SLC35D2: variants seen among roughly 807,000 people sequenced by gnomAD.
SLC35D2 encodes the protein nucleotide sugar transporter SLC35D2.
A neutral mutation model predicts 41.8 loss-of-function variants in SLC35D2; 43 were observed. That is an observed-to-expected ratio of 1.03 (90% confidence interval 0.81 to 1.33). The LOEUF is 1.33. SLC35D2 is among the 40% of genes most tolerant of loss of function. The pLI, the probability that SLC35D2 is intolerant of heterozygous loss-of-function variation, is 0.00. For missense variants in SLC35D2, 380 were observed against 408.4 expected (o/e 0.93, Z 0.60); for synonymous variants, 150 against 163.9 (o/e 0.92, Z 0.65).
intron 8 of SLC35D2, among the ~76,000 whole-genome samples, chr9:96,343,226 G>A (rs984738525): frequency 6.6e-6 from 1 of 152,166 alleles, no homozygotes; most frequent in Middle Eastern, 3.2e-3. Context: ...CCGCTCCACT[G>A]GGCCTCAGAT....
chr9:96,374,029 T>C (rs1830827773), intron 1 of SLC35D2: 1 of 152,206 alleles, frequency 6.6e-6, no homozygotes, highest in South Asian at 2.1e-4. Flanking sequence ...ATCCCAGTAC[T>C]GTGTGTGCCC....
chr9:96,333,900 T>C (rs929860500), intron 9 of SLC35D2, among the ~76,000 whole-genome samples: 1 of 152,196 alleles, frequency 6.6e-6, no homozygotes, highest in Non-Finnish European at 1.5e-5. Flanking sequence ...GGAAAGGTGC[T>C]AGTCTAAGTT....
rs757500860 is a variant in SLC35D2, at chr9:96,321,274, C to T, written c.982G>A (p.Glu328Lys). The T allele has an allele frequency of 3.1e-6, 5 of 1,613,966 alleles. 1 individual carries two copies. The South Asian group carries it at 4.4e-5, about 14-fold the overall frequency. Residue 328 changes from glutamate to lysine, a missense_variant, in exon 12 of 12, where the codon GAA (glutamate) becomes AAA (lysine). By Grantham distance (56) the Glu-to-Lys change is moderately conservative (BLOSUM62 1). Transcript: ENST00000253270. Reference protein sequence around the residue: ...SSQLKPKPVGEENICLDLKS With the variant: ...SSQLKPKPVGKENICLDLKS ...TTCAAATCCAAACAGATGTTTTCTT[C>T]ACCCACAGGTTTAGGTTTTAACTGG...
Position 96,360,378 on chromosome 9 carries a change from C to T in SLC35D2, c.280-157G>A, listed in dbSNP as rs143999303. ...GGGCGCAGTGGCTCACGCCTGTAATCCCAGCACTCTGGGAGGCCAAGGTAG... is the reference window on the plus strand; with the variant it reads ...GGGCGCAGTGGCTCACGCCTGTAATTCCAGCACTCTGGGAGGCCAAGGTAG... On this transcript the variant is annotated intron_variant, in intron 3 of 11. Coordinates refer to ENST00000253270, the MANE Select transcript of SLC35D2 (RefSeq NM_007001.3). Among the ~76,000 whole-genome samples the T allele has an allele frequency of 8.9e-3, 1,349 of 152,154 alleles. 14 individuals carry two copies. Among genetic ancestry groups the T allele is most frequent in the Middle Eastern group, 0.037 (11 of 294 alleles).
At chr9:96,327,045 T>C (rs1389443235) in intron 9 of SLC35D2, among the ~76,000 whole-genome samples, 1 of 152,124 alleles carries the variant, frequency 6.6e-6, no homozygotes, top group Non-Finnish European at 1.5e-5. Flanking sequence ...AGGAGAGAGC[T>C]GCACAGCAGC....
intron 4 of SLC35D2, among the ~76,000 whole-genome samples, chr9:96,358,078 T>A (rs866107305): frequency 3.8e-5 from 3 of 79,250 alleles, no homozygotes; most frequent in Non-Finnish European, 7.3e-5. Flanking sequence ...ATATTATATA[T>A]TTTATATATA....
At chr9:96,342,497 C>G (rs1829376773) in intron 8 of SLC35D2, among the ~76,000 whole-genome samples, 1 of 152,210 alleles carries the variant, frequency 6.6e-6, no homozygotes, top group South Asian at 2.1e-4. Flanking sequence ...TTGATGGTAG[C>G]TGAAAAACAA....
Position 96,320,976 on chromosome 9 carries a change from G to C in SLC35D2, c.*266C>G. The C allele has an allele frequency of 2.9e-6, 1 of 350,726 alleles. No homozygotes were observed. The highest frequency in any genetic ancestry group is 5.3e-6 in the Non-Finnish European group (1 of 190,316). 21.7% of individuals were successfully genotyped at this position (350,726 alleles called of 1,614,324 possible). A position where few individuals can be genotyped will look rare whatever the true frequency, so the allele number is the denominator to read the frequency against. ...ACGAAGGCCCCATAGGTCCCTAGAA[G>C]AGCAGCTGGGGCTCCACCTACCGAG... is the stretch of plus-strand genomic sequence containing the variant. On this transcript the variant is annotated 3_prime_UTR_variant, in exon 12 of 12. Transcript: ENST00000253270.
chr9:96,348,458 G>A (rs1308443296), intron 6 of SLC35D2, among the ~76,000 whole-genome samples: 6 of 152,206 alleles, frequency 3.9e-5, no homozygotes, highest in African/African-American at 1.2e-4. Flanking sequence ...CGTGGATGGC[G>A]TGGATGGGGT....
chr9:96,317,036 G>A (rs1828068853), downstream of SLC35D2, among the ~76,000 whole-genome samples: 1 of 152,048 alleles, frequency 6.6e-6, no homozygotes, highest in Admixed American at 6.6e-5. Context: ...TACTGGGGAG[G>A]CTGAGGCAGG....
intron 8 of SLC35D2, among the ~76,000 whole-genome samples, 186 bp from the exon 9 acceptor site, chr9:96,336,970 T>C (rs1829076188): frequency 6.6e-6 from 1 of 152,182 alleles, no homozygotes; most frequent in Admixed American, 6.5e-5. Flanking sequence ...GAACTTCAGA[T>C]TCATTTTACA....
At chr9:96,356,382 CTTTTTTTTTTTT>C (rs199569097) in intron 4 of SLC35D2, among the ~76,000 whole-genome samples, 1 of 101,434 alleles carries the variant, frequency 9.9e-6, no homozygotes, top group African/African-American at 3.5e-5. Context: ...TTTATTTATT[CTTTTTTTTTTTT>C]TTTTTTTTTG....
chr9:96,381,336 C>G lies in SLC35D2; in HGVS notation c.158+2141G>C, dbSNP rs73538968. Among the ~76,000 whole-genome samples the G allele has an allele frequency of 2.6e-3, 398 of 152,368 alleles. 1 individual carries two copies. Among genetic ancestry groups the G allele is most frequent in the African/African-American group, 9.0e-3 (376 of 41,590 alleles). On this transcript the variant is annotated intron_variant, in intron 1 of 11. Coordinates refer to ENST00000253270, the MANE Select transcript of SLC35D2 (RefSeq NM_007001.3). ...GCTCCCATCTCATTCAGAGCTGATG[C>G]CAGAGCCCTGGCGGTGGCCTCCCAA...
chr9:96,355,874 CA>C (rs776636966), intron 4 of SLC35D2, among the ~76,000 whole-genome samples: 12 of 152,158 alleles, frequency 7.9e-5, no homozygotes, highest in Non-Finnish European at 1.5e-4. Flanking sequence ...GTTCATGGAT[CA>C]AAAGACCTTA....
At chr9:96,364,273 T>G (rs1274787120) in intron 3 of SLC35D2, among the ~76,000 whole-genome samples, 191 bp downstream of exon 3, 1 of 152,158 alleles carries the variant, frequency 6.6e-6, no homozygotes, top group Non-Finnish European at 1.5e-5. Flanking sequence ...AGGCGGAGAT[T>G]GCAGTGAGCC....
Position 96,322,717 on chromosome 9 carries a change from G to GTTTT in SLC35D2, c.832-641_832-638dup, listed in dbSNP as rs57493593. Among the ~76,000 whole-genome samples the GTTTT allele has an allele frequency of 2.8e-3, 307 of 111,392 alleles. 19 individuals carry two copies. Among genetic ancestry groups the GTTTT allele is most frequent in the African/African-American group, 9.8e-3 (257 of 26,096 alleles). 73.1% of individuals were successfully genotyped at this position (111,392 alleles called of 152,430 possible). On this transcript the variant is annotated intron_variant, in intron 10 of 11. Transcript: ENST00000253270. ...TCATTGGGTAGTGAGGTTTTCTGGGGTTTTTTTTTTTTTTTTTTTGAGACA... is the reference window on the plus strand; with the variant it reads ...TCATTGGGTAGTGAGGTTTTCTGGGGTTTTTTTTTTTTTTTTTTTTTTTGAGACA...
chr9:96,379,954 A>G (rs900343588), intron 1 of SLC35D2, among the ~76,000 whole-genome samples: 7 of 145,248 alleles, frequency 4.8e-5, no homozygotes, highest in African/African-American at 1.8e-4. Flanking sequence ...CTGGAGTGCG[A>G]TGGCGTGGTC....
At chr9:96,340,108 T>C (rs1829246266) in intron 8 of SLC35D2, among the ~76,000 whole-genome samples, 2 of 152,194 alleles carry the variant, frequency 1.3e-5, no homozygotes. Flanking sequence ...CTTTCTCCTA[T>C]TTGGTTTACA....
At chr9:96,368,710 T>C (rs1830566799) in intron 1 of SLC35D2, among the ~76,000 whole-genome samples, 1 of 148,808 alleles carries the variant, frequency 6.7e-6, no homozygotes, top group African/African-American at 2.5e-5. Flanking sequence ...GTATATTATA[T>C]ATATATTATA....
Sources: gnomAD v4.1 joint callset for allele counts (sites outside exome capture counted in the v4.1 genomes callset) on GRCh38, gnomAD v4.1.1 for gene constraint, MANE v1.5 for transcripts, NCBI Gene and HGNC (gene_info 2026-07-23, HGNC 2026-07-21) for gene names.